The following DDX50 variants were observed in gnomAD, a reference collection of about 807,000 sequenced individuals.
The protein encoded by DDX50 is ATP-dependent RNA helicase DDX50.
In DDX50, 56 loss-of-function variants were observed where a neutral mutation model predicts 94.8. The observed-to-expected ratio is 0.59, with a 90% CI of 0.48 to 0.74. DDX50 has a LOEUF of 0.74. DDX50 is among the 30% of genes least tolerant of loss of function. DDX50 has a pLI of 0.00. For synonymous variants in DDX50, 264 were observed against 295.4 expected (o/e 0.89, Z 1.09); for missense variants, 713 against 881.2 (o/e 0.81, Z 2.42).
chr10:68,917,792 G>A (rs1424984157), intron 7 of DDX50, among the ~76,000 whole-genome samples: 2 of 152,080 alleles, frequency 1.3e-5, no homozygotes, highest in Non-Finnish European at 2.9e-5. Context: ...TAGTAGAGAT[G>A]TAGTTTTGCC....
At chr10:68,927,203 A>T (rs981495205) in intron 8 of DDX50, among the ~76,000 whole-genome samples, 3 of 152,106 alleles carry the variant, frequency 2.0e-5, no homozygotes, top group African/African-American at 7.2e-5. Flanking sequence ...TGAGAAAAAA[A>T]CCTGTGTTGC....
At chr10:68,918,013 C>T (rs1364705605) in intron 7 of DDX50, among the ~76,000 whole-genome samples, 2 of 152,070 alleles carry the variant, frequency 1.3e-5, no homozygotes, top group Admixed American at 6.6e-5. Flanking sequence ...CAACCTCTGC[C>T]TCCGGGGTTC....
In DDX50 at chr10:68,918,428, C is replaced by CTTT. The variant is rs34777951; in HGVS notation, c.1090-1381_1090-1379dup. 2.3e-3 allele frequency among the ~76,000 whole-genome samples: 132 copies of CTTT among 57,080 alleles called. 1 individual carries two copies. Among genetic ancestry groups the CTTT allele is most frequent in the Middle Eastern group, 0.023 (1 of 44 alleles). 37.4% of individuals were successfully genotyped at this position (57,080 alleles called of 152,430 possible). On this transcript the variant is annotated intron_variant, in intron 7 of 14. Coordinates refer to ENST00000373585, the MANE Select transcript of DDX50 (RefSeq NM_024045.2). ...TTAAACAGTTACTCTCCATTCCCTC[C>CTTT]TTTTTTTTTTTTTTTTTTTTTTTTT...
In DDX50 at chr10:68,945,309, A is replaced by ATT. The variant is rs11365482; in HGVS notation, c.1936-1032_1936-1031dup. ...AGCAACAGGGTGTCTTAATAACAAC[A>ATT]TTTTTTTTTTTTCTTTGAGACAAGA... is the stretch of plus-strand genomic sequence containing the variant. On this transcript the variant is annotated intron_variant, in intron 14 of 14. Transcript: ENST00000373585. Among the ~76,000 whole-genome samples, 277 of 148,294 alleles carry ATT rather than the reference A, an allele frequency of 1.9e-3. 1 individual carries two copies. The highest frequency in any genetic ancestry group is 6.7e-3 in the African/African-American group (266 of 39,982).
In DDX50 at chr10:68,943,262, T is replaced by G; in HGVS notation, c.1935+5T>G. 6.2e-7 allele frequency: 1 copy of G among 1,602,638 alleles called. No homozygotes were observed. The highest frequency in any genetic ancestry group is 8.5e-7 in the Non-Finnish European group (1 of 1,176,316). On this transcript the variant is annotated splice_donor_5th_base_variant and intron_variant, in intron 14 of 14. Coordinates refer to ENST00000373585, the MANE Select transcript of DDX50 (RefSeq NM_024045.2). ...ACTGAGTCAGAAAGGTTACAGGTAT[T>G]TTTAAAATTTTATCTTTTAAATGGT... is the stretch of plus-strand genomic sequence containing the variant.
chr10:68,937,100 A>G lies in DDX50; in HGVS notation c.1755+5A>G. ...TCTTTGATCACCTCTGATAAGGTAGAAATCTGTGAGAAAATTGTACATGAG... is the reference window on the plus strand; with the variant it reads ...TCTTTGATCACCTCTGATAAGGTAGGAATCTGTGAGAAAATTGTACATGAG... On this transcript the variant is annotated splice_donor_5th_base_variant and intron_variant, in intron 12 of 14. Coordinates refer to ENST00000373585, the MANE Select transcript of DDX50 (RefSeq NM_024045.2). The G allele has an allele frequency of 6.3e-7, 1 of 1,587,628 alleles. No individual in the cohort carries two copies. The highest frequency in any genetic ancestry group is 8.6e-7 in the Non-Finnish European group (1 of 1,163,362).
intron 3 of DDX50, 96 bp from the exon 4 acceptor site, chr10:68,910,972 C>A: frequency 1.0e-6 from 1 of 972,032 alleles, no homozygotes; most frequent in Non-Finnish European, 1.4e-6. Flanking sequence ...TGTCTTTAGG[C>A]AGACATAGAA....
chr10:68,940,370 C>A (rs1291339731), intron 12 of DDX50, among the ~76,000 whole-genome samples: 10 of 147,846 alleles, frequency 6.8e-5, no homozygotes, highest in African/African-American at 2.2e-4. Context: ...CAGAGCGAGA[C>A]CCTGTCTTAA....
intron 1 of DDX50, 128 bp downstream of exon 1, chr10:68,901,599 C>T: frequency 2.0e-6 from 2 of 997,838 alleles, no homozygotes; most frequent in Middle Eastern, 2.2e-4. Context: ...TTCGCGCCGC[C>T]CTCGGCCCTC....
intron 8 of DDX50, among the ~76,000 whole-genome samples, chr10:68,930,765 C>G (rs1303637079): frequency 6.6e-6 from 1 of 152,140 alleles, no homozygotes; most frequent in African/African-American, 2.4e-5. Context: ...GTGATCCTCC[C>G]ACCTCAGCCT....
Position 68,936,986 on chromosome 10 carries a change from C to G in DDX50, c.1646C>G (p.Ala549Gly). The G allele has an allele frequency of 6.2e-7, 1 of 1,611,642 alleles. No individual in the cohort carries two copies. Among genetic ancestry groups the G allele is most frequent in the Non-Finnish European group, 8.5e-7 (1 of 1,179,598 alleles). The change falls in exon 12 of 15, where the codon GCT (alanine) becomes GGT (glycine). Residue 549 changes from alanine to glycine, a missense_variant. By Grantham distance (60) the Ala-to-Gly change is moderately conservative. Around this residue, in one of 2 missense-constraint regions of DDX50, gnomAD observed 428 missense variants for 602.3 expected, o/e 0.71. Coordinates refer to ENST00000373585, the MANE Select transcript of DDX50 (RefSeq NM_024045.2). ...GCTGTTGATTTTTTCCGACCATCAGCTCAGAGACTGATAGAAGAGAAAGGT... is the reference window on the plus strand; with the variant it reads ...GCTGTTGATTTTTTCCGACCATCAGGTCAGAGACTGATAGAAGAGAAAGGT... ...YAAVDFFRPSAQRLIEEKGAV... is the reference protein window; with the variant it reads ...YAAVDFFRPSGQRLIEEKGAV...
At chr10:68,905,175 C>T (rs774540632) in intron 1 of DDX50, among the ~76,000 whole-genome samples, 34 of 152,272 alleles carry the variant, frequency 2.2e-4, no homozygotes, top group African/African-American at 6.3e-4. Context: ...CCTCGCCCCC[C>T]CAGAGTGCTG....
intron 8 of DDX50, 39 bp downstream of exon 8, chr10:68,920,020 G>T (rs1323850245): frequency 6.2e-7 from 1 of 1,610,392 alleles, no homozygotes; most frequent in Admixed American, 1.7e-5. Flanking sequence ...TTGAAATTAT[G>T]GGGATGAATC....
intron 4 of DDX50, 70 bp downstream of exon 4, chr10:68,911,316 C>T (rs1841621307): frequency 1.4e-6 from 2 of 1,442,182 alleles, no homozygotes; most frequent in Non-Finnish European, 1.8e-6. Context: ...TACACGAGTC[C>T]TAAGTTCTAG....
chr10:68,902,704 G>A (rs1247106138), intron 1 of DDX50, among the ~76,000 whole-genome samples: 2 of 151,474 alleles, frequency 1.3e-5, no homozygotes, highest in African/African-American at 4.9e-5. Flanking sequence ...TAGAGTGTAA[G>A]CAGAAAACCA....
intron 10 of DDX50, among the ~76,000 whole-genome samples, chr10:68,935,129 T>C (rs1470748965): frequency 6.6e-6 from 1 of 152,258 alleles, no homozygotes; most frequent in Non-Finnish European, 1.5e-5. Context: ...CTTTCTCATC[T>C]TTTCCTTGAA....
Position 68,946,824 on chromosome 10 carries a change from ACCT to A in DDX50, c.*198_*200del, listed in dbSNP as rs748568166. On this transcript the variant is annotated 3_prime_UTR_variant, in exon 15 of 15. Transcript: ENST00000373585. ...TCCAGTTATACCTTTGAATAAAAAA[ACCT>A]CCTTTTATTGTCTCTTTTCACTTAT... The A allele has an allele frequency of 2.2e-3, 1,461 of 659,892 alleles. 12 individuals are homozygous for A. Among genetic ancestry groups the A allele is most frequent in the Admixed American group, 0.014 (408 of 28,588 alleles). The allele number at this position is 659,892 out of a possible 1,614,324, so 40.9% of individuals were successfully genotyped here. A position where few individuals can be genotyped will look rare whatever the true frequency, so the allele number is the denominator to read the frequency against.
chr10:68,940,145 T>C (rs560320779), intron 12 of DDX50, among the ~76,000 whole-genome samples: 13 of 152,134 alleles, frequency 8.5e-5, no homozygotes, highest in African/African-American at 3.1e-4. Context: ...TCCTAGCACT[T>C]TGGGAGGCTG....
chr10:68,913,677 C>A, intron 6 of DDX50, 101 bp downstream of exon 6: 1 of 1,045,474 alleles, frequency 9.6e-7, no homozygotes, highest in Non-Finnish European at 1.3e-6. Context: ...CCCCTGCGTT[C>A]TAACAAAACT....
Sources: allele counts gnomAD v4.1 joint callset (sites outside exome capture counted in the v4.1 genomes callset), GRCh38; gene constraint gnomAD v4.1.1; regional missense constraint gnomAD v4.1.1; transcripts MANE v1.5; gene names NCBI Gene and HGNC (gene_info 2026-07-23, HGNC 2026-07-21).